The following DOT1L variants were observed in gnomAD, a reference collection of about 807,000 sequenced individuals.
DOT1L encodes the protein DOT1 like histone lysine methyltransferase.
Under a neutral mutation model 153.3 loss-of-function variants are expected in DOT1L, and 33 were observed. That is an observed-to-expected ratio of 0.22 (90% CI 0.16 to 0.29). The LOEUF (loss-of-function observed/expected upper bound fraction) is 0.29. Ranked by LOEUF, DOT1L falls within the 10% of genes least tolerant of loss-of-function variation. The pLI is 1.00. For missense variants in DOT1L, 1,847 were observed against 2,119.9 expected (o/e 0.87, Z 2.53); for synonymous variants, 1,135 against 965.1 (o/e 1.18, Z -3.26).
intron 19 of DOT1L, chr19:2,215,869 C>G (rs1014240330): frequency 1.2e-5 from 2 of 164,768 alleles, no homozygotes; most frequent in Non-Finnish European, 2.6e-5. Flanking sequence ...GAAAGGAAAG[C>G]AGGTAAACAG....
intron 15 of DOT1L, 121 bp from the exon 16 acceptor site, chr19:2,211,630 C>T: frequency 1.2e-6 from 1 of 834,344 alleles, no homozygotes; most frequent in South Asian, 1.7e-5. Context: ...CTGCTGAGCT[C>T]CTGCCTCATG....
At chr19:2,171,604 C>T (rs993872401) in intron 1 of DOT1L, among the ~76,000 whole-genome samples, 2 of 152,180 alleles carry the variant, frequency 1.3e-5, no homozygotes, top group Admixed American at 6.5e-5. Context: ...CCTGGGGTCC[C>T]GGGCACCGAC....
At chr19:2,187,938 A>AAC (rs397764025) in intron 3 of DOT1L, among the ~76,000 whole-genome samples, 1 of 148,108 alleles carries the variant, frequency 6.8e-6, no homozygotes, top group African/African-American at 2.5e-5. Context: ...AAAAAAAAAA[A>AAC]GGGAAGTGAA....
At chr19:2,184,268 G>C (rs941359896) in intron 2 of DOT1L, among the ~76,000 whole-genome samples, 25 of 152,158 alleles carry the variant, frequency 1.6e-4, no homozygotes, top group Non-Finnish European at 3.5e-4. Flanking sequence ...GTCCCCTGCC[G>C]GTGTTGGCCA....
chr19:2,164,147 C>T lies in DOT1L; in HGVS notation c.-38C>T. 1.7e-6 allele frequency: 2 copies of T among 1,169,292 alleles called. No individual in the cohort carries two copies. The highest frequency in any genetic ancestry group is 2.1e-6 in the Non-Finnish European group (2 of 944,980). 72.4% of individuals were successfully genotyped at this position (1,169,292 alleles called of 1,614,324 possible). On this transcript the variant is annotated 5_prime_UTR_variant, in exon 1 of 28. Transcript: ENST00000398665. ...CCGGCGGCCCCGCCCCTCCCCCAACCGCCCGCCTAGCATGGTGCGGCGGCC... is the reference window on the plus strand; with the variant it reads ...CCGGCGGCCCCGCCCCTCCCCCAACTGCCCGCCTAGCATGGTGCGGCGGCC...
At chr19:2,173,872 G>A (rs1235980077) in intron 1 of DOT1L, among the ~76,000 whole-genome samples, 2 of 152,234 alleles carry the variant, frequency 1.3e-5, no homozygotes. Context: ...CAGCCTGTGT[G>A]GGTGGCCTCA....
chr19:2,167,029 A>C (rs1235645700), intron 1 of DOT1L, among the ~76,000 whole-genome samples: 1 of 152,010 alleles, frequency 6.6e-6, no homozygotes, highest in Non-Finnish European at 1.5e-5. Flanking sequence ...TTCAAAAGTT[A>C]CCCCATTTTT....
At chr19:2,201,048 C>T (rs1436565156) in intron 8 of DOT1L, among the ~76,000 whole-genome samples, 27 of 113,250 alleles carry the variant, frequency 2.4e-4, no homozygotes, top group African/African-American at 9.6e-4. Flanking sequence ...TCGTCCTCCC[C>T]GCATTCCTCG....
intron 12 of DOT1L, 119 bp from the exon 13 acceptor site, chr19:2,210,281 T>A (rs2023659512): frequency 3.3e-6 from 3 of 908,062 alleles, no homozygotes; most frequent in Non-Finnish European, 4.7e-6. Flanking sequence ...CACAGAGGAC[T>A]TGCAGTGGAC....
At position 2,202,788 on chromosome 19, in the gene DOT1L, C is replaced by T. The variant is rs778474037; in HGVS notation, c.787+9C>T. On this transcript the variant is annotated intron_variant, in intron 9 of 27. Coordinates refer to ENST00000398665, the MANE Select transcript of DOT1L (RefSeq NM_032482.3). ...TGCAAACATGAAGGAAGGTAAGGCGCCCTCCTCGCCGGTCTGTGCTGGTGT... is the reference window on the plus strand; with the variant it reads ...TGCAAACATGAAGGAAGGTAAGGCGTCCTCCTCGCCGGTCTGTGCTGGTGT... The T allele has an allele frequency of 2.3e-5, 37 of 1,614,172 alleles. No homozygotes were observed. In the Middle Eastern group the frequency reaches 1.5e-3, roughly 65 times the overall value.
intron 16 of DOT1L, chr19:2,212,143 T>G: frequency 6.6e-6 from 2 of 301,066 alleles, no homozygotes; most frequent in Non-Finnish European, 1.2e-5. Context: ...CCTCCCCCGG[T>G]TCCTCAAAGG....
intron 3 of DOT1L, among the ~76,000 whole-genome samples, chr19:2,189,103 ATGACACACTGCTGACG>A (rs964470874): frequency 3.3e-4 from 50 of 152,244 alleles, no homozygotes; most frequent in Admixed American, 7.2e-4. Flanking sequence ...CGTGTCTGAC[ATGACACACTGCTGACG>A]TGACACACTG....
At position 2,222,021 on chromosome 19, in the gene DOT1L, G is replaced by A. The variant is rs764430547; in HGVS notation, c.2852G>A (p.Gly951Asp). 4.3e-6 allele frequency: 7 copies of A among 1,611,662 alleles called. No homozygotes were observed. The highest frequency in any genetic ancestry group is 5.9e-6 in the Non-Finnish European group (7 of 1,179,418). ...GTGGCCATCAGCGGGGCCTTGGCGG[G>A]CAGCCCGGCCTCTCTCACACCTGGA... ...GSVAISGALA[G>D]SPASLTPGAE... is the part of the protein sequence containing the mutation. Residue 951 changes from glycine (G) to aspartate (D), a missense_variant, in exon 24 of 28, where the codon GGC becomes GAC. By Grantham distance (94) the Gly-to-Asp change is moderately conservative. Coordinates refer to ENST00000398665, the MANE Select transcript of DOT1L (RefSeq NM_032482.3). This position sits in a 1 kb window ranked among gnomAD's most constrained non-coding sequence, Gnocchi z 6.5.
chr19:2,214,159 C>T, intron 18 of DOT1L, 173 bp downstream of exon 18: 2 of 1,164,664 alleles, frequency 1.7e-6, no homozygotes, highest in African/African-American at 1.5e-5. Context: ...GCAGGCAGGC[C>T]TGGGCCCCTC....
At chr19:2,218,043 C>T in intron 22 of DOT1L, 125 bp downstream of exon 22, 1 of 1,377,320 alleles carries the variant, frequency 7.3e-7, no homozygotes, top group Non-Finnish European at 9.7e-7. Flanking sequence ...GCAATGCAGT[C>T]AAGGTGGGCT....
chr19:2,207,895 C>G lies in DOT1L; in HGVS notation c.963+215C>G, dbSNP rs1260932836. On this transcript the variant is annotated intron_variant, in intron 11 of 27. Coordinates refer to ENST00000398665, the MANE Select transcript of DOT1L (RefSeq NM_032482.3). The surrounding 1 kb of genome is among the most constrained non-coding windows in gnomAD (Gnocchi z 4.5). Reference sequence around the variant, plus strand: ...GGGTCCTCCCAGGCACTGGGCGTGTCCTGGGTGAGGGCTGAGTGCTGTCTC... The same window carrying G: ...GGGTCCTCCCAGGCACTGGGCGTGTGCTGGGTGAGGGCTGAGTGCTGTCTC... 6.6e-6 allele frequency among the ~76,000 whole-genome samples: 1 copy of G among 152,028 alleles called. No individual in the cohort carries two copies. The highest frequency in any genetic ancestry group is 1.9e-4 in the East Asian group (1 of 5,166).
intron 7 of DOT1L, among the ~76,000 whole-genome samples, chr19:2,196,982 T>C (rs1183298502): frequency 6.6e-6 from 1 of 152,228 alleles, no homozygotes; most frequent in African/African-American, 2.4e-5. Context: ...ACCCCGTTGC[T>C]GTGATGGGTT....
intron 7 of DOT1L, among the ~76,000 whole-genome samples, chr19:2,195,597 G>A (rs981276287): frequency 2.0e-4 from 31 of 152,042 alleles, no homozygotes; most frequent in African/African-American, 5.8e-4. Flanking sequence ...TACAGAGCCC[G>A]CAGCCCCTCG....
rs978411715 is a variant in DOT1L at position 2,230,379 on chromosome 19, C to T, written c.*587C>T. On this transcript the variant is annotated 3_prime_UTR_variant, in exon 28 of 28. Transcript: ENST00000398665. ...CTGGCGCCTGCCCTGAGCTCTTCAC[C>T]TTTACCCCGGCACTGTGAACCCCCA... 4.9e-6 allele frequency: 2 copies of T among 407,608 alleles called. No individual in the cohort carries two copies. Among genetic ancestry groups the T allele is most frequent in the African/African-American group, 4.1e-5 (2 of 48,804 alleles). 25.2% of individuals were successfully genotyped at this position (407,608 alleles called of 1,614,324 possible).
Sources: allele counts gnomAD v4.1 joint callset (sites outside exome capture counted in the v4.1 genomes callset), GRCh38; gene constraint gnomAD v4.1.1; non-coding constraint Gnocchi (gnomAD v3.1); transcripts MANE v1.5; gene names NCBI Gene and HGNC (gene_info 2026-07-23, HGNC 2026-07-21).